Variants in GALNT13 observed in about 807,000 individuals in gnomAD.
GALNT13 encodes polypeptide N-acetylgalactosaminyltransferase 13.
In GALNT13, 28 loss-of-function variants were observed where a neutral mutation model predicts 64.2. The observed-to-expected ratio is 0.44, with a 90% CI of 0.32 to 0.60. GALNT13 has a LOEUF of 0.60. GALNT13 is among the 20% of genes least tolerant of loss of function. The pLI is 0.05. For synonymous variants in GALNT13, 214 were observed against 224.6 expected (o/e 0.95, Z 0.42); for missense variants, 577 against 669.8 (o/e 0.86, Z 1.53).
At chr2:153,424,652 G>A in the GALNT13 span, among the ~76,000 whole-genome samples, 1 of 151,836 alleles carries the variant, frequency 6.6e-6, no homozygotes, top group African/African-American at 2.4e-5. Context: ...TATTATCTGT[G>A]GTAGCATAAG....
At chr2:153,223,002 G>A in the GALNT13 span, among the ~76,000 whole-genome samples, 1 of 152,330 alleles carries the variant, frequency 6.6e-6, no homozygotes, top group African/African-American at 2.4e-5. Flanking sequence ...GCCTGTTCCC[G>A]GCCTGCTGGC....
the GALNT13 span, among the ~76,000 whole-genome samples, chr2:153,570,814 A>G: frequency 2.0e-5 from 3 of 151,850 alleles, no homozygotes; most frequent in Non-Finnish European, 4.4e-5. Context: ...CCATTGTTCT[A>G]TGTGTCTGTT....
the GALNT13 span, chr2:153,478,141 A>C: frequency 1.1e-6 from 1 of 931,140 alleles, no homozygotes; most frequent in East Asian, 2.6e-5. Flanking sequence ...TGACTCCGAC[A>C]GGTTTGCTTC....
the GALNT13 span, among the ~76,000 whole-genome samples, chr2:153,440,509 C>A: frequency 6.6e-6 from 1 of 152,146 alleles, no homozygotes. Flanking sequence ...GGTTCTAGAT[C>A]CTTGAGGAAT....
intron 11 of GALNT13, among the ~76,000 whole-genome samples, chr2:154,429,075 C>A: frequency 6.6e-6 from 1 of 152,160 alleles, no homozygotes; most frequent in South Asian, 2.1e-4. Flanking sequence ...CTATCTCTCG[C>A]TCCACAGGGC....
intron 3 of GALNT13, among the ~76,000 whole-genome samples, chr2:154,087,127 G>A (rs148766083): frequency 3.9e-5 from 6 of 151,936 alleles, no homozygotes; most frequent in African/African-American, 1.4e-4. Flanking sequence ...AAAGAAGAAA[G>A]GCATTTCTAA....
At chr2:153,993,902 C>G (rs1695337404) in intron 3 of GALNT13, among the ~76,000 whole-genome samples, 2 of 151,880 alleles carry the variant, frequency 1.3e-5, no homozygotes, top group Non-Finnish European at 2.9e-5. Context: ...CAACAGAACA[C>G]TTAATTGTTT....
chr2:153,778,296 C>CA, the GALNT13 span, among the ~76,000 whole-genome samples: 1 of 152,172 alleles, frequency 6.6e-6, no homozygotes, highest in African/African-American at 2.4e-5. Flanking sequence ...CATGGCAGGC[C>CA]AGGGTGGTCC....
chr2:154,020,878 T>A (rs1165618465), intron 3 of GALNT13, among the ~76,000 whole-genome samples: 4 of 152,156 alleles, frequency 2.6e-5, no homozygotes, highest in African/African-American at 4.8e-5. Context: ...AATTTTTGTA[T>A]AAGGTGTAAG....
At chr2:153,206,022 AT>A in the GALNT13 span, among the ~76,000 whole-genome samples, 2 of 152,058 alleles carry the variant, frequency 1.3e-5, no homozygotes, top group Non-Finnish European at 2.9e-5. Flanking sequence ...GTGGAAAAAA[AT>A]TTTGTCCTGC....
chr2:153,705,168 G>A, the GALNT13 span, among the ~76,000 whole-genome samples: 1 of 152,126 alleles, frequency 6.6e-6, no homozygotes, highest in African/African-American at 2.4e-5. Context: ...TTGACAAATA[G>A]TAGGTTTTGA....
At position 154,025,691 on chromosome 2, in the gene GALNT13, C is replaced by G. The variant is rs150501133; in HGVS notation, c.142+81052C>G. ...TTAGTCAACAAATCTTTATTAATTA[C>G]TCACTCTGTACCAAACATTTTGACA... On this transcript the variant is annotated intron_variant, in intron 3 of 12. Coordinates refer to ENST00000392825, the MANE Select transcript of GALNT13 (RefSeq NM_052917.4). 6.2e-4 allele frequency among the ~76,000 whole-genome samples: 94 copies of G among 152,232 alleles called. 2 individuals are homozygous for G. The East Asian group carries it at 0.018, about 28-fold the overall frequency.
intron 9 of GALNT13, among the ~76,000 whole-genome samples, chr2:154,336,547 A>C (rs1024986617): frequency 2.0e-5 from 3 of 152,142 alleles, no homozygotes; most frequent in African/African-American, 7.2e-5. Flanking sequence ...CATTTTATTT[A>C]AAGTATGGTT....
At chr2:154,146,612 CTCTCTACTCT>C (rs377007308) in intron 4 of GALNT13, among the ~76,000 whole-genome samples, 1 of 152,118 alleles carries the variant, frequency 6.6e-6, no homozygotes, top group East Asian at 1.9e-4. Flanking sequence ...CACAGGAAAC[CTCTCTACTCT>C]TCCCCATCTA....
intron 3 of GALNT13, among the ~76,000 whole-genome samples, chr2:153,965,566 G>A (rs897741029): frequency 6.6e-6 from 1 of 152,002 alleles, no homozygotes; most frequent in Non-Finnish European, 1.5e-5. Context: ...GAACAGGACG[G>A]TCTTGTTTTT....
chr2:153,955,720 A>G (rs1207657248), intron 3 of GALNT13, among the ~76,000 whole-genome samples: 3 of 152,210 alleles, frequency 2.0e-5, no homozygotes, highest in Non-Finnish European at 2.9e-5. Flanking sequence ...ATTCAAGGGC[A>G]AGCCAGAGGT....
intron 9 of GALNT13, among the ~76,000 whole-genome samples, chr2:154,316,477 T>C (rs1694324768): frequency 6.6e-6 from 1 of 152,166 alleles, no homozygotes; most frequent in South Asian, 2.1e-4. Context: ...TTTTTCAAAG[T>C]GAACACAAAA....
chr2:153,553,299 G>A, the GALNT13 span, among the ~76,000 whole-genome samples: 2 of 152,012 alleles, frequency 1.3e-5, no homozygotes, highest in Non-Finnish European at 2.9e-5. Context: ...AGGAGTTTGC[G>A]ACCAGCCTGG....
the GALNT13 span, among the ~76,000 whole-genome samples, chr2:153,708,725 A>T: frequency 1.3e-5 from 2 of 152,172 alleles, no homozygotes; most frequent in African/African-American, 4.8e-5. Context: ...ACACAACCTG[A>T]TTTCAATCTA....
Sources: gnomAD v4.1 joint callset for allele counts (sites outside exome capture counted in the v4.1 genomes callset) on GRCh38, gnomAD v4.1.1 for gene constraint, MANE v1.5 for transcripts, NCBI Gene and HGNC (gene_info 2026-07-23, HGNC 2026-07-21) for gene names.